The following MUC20 variants were observed in gnomAD, a reference collection of about 807,000 sequenced individuals.
MUC20 encodes the protein mucin-20.
In MUC20, 14 loss-of-function variants were observed where a neutral mutation model predicts 23.8. The ratio of observed to expected loss-of-function variants is 0.59; its 90% CI spans 0.39 to 0.92. MUC20 has a LOEUF of 0.92. Ranked by LOEUF, MUC20 falls within the 40% of genes least tolerant of loss-of-function variation. The pLI is 0.00. For missense variants in MUC20, 375 were observed against 668.8 expected (o/e 0.56, Z 4.85); for synonymous variants, 166 against 279.3 (o/e 0.59, Z 4.04).
chr3:195,729,617 T>C (rs1713147980), intron 2 of MUC20, 31 bp from the exon 3 acceptor site: 1 of 1,552,572 alleles, frequency 6.4e-7, no homozygotes, highest in African/African-American at 1.4e-5. Flanking sequence ...CGCCCAGCCC[T>C]GATTTTCATC....
At chr3:195,728,783 A>G (rs1485444775) in intron 2 of MUC20, among the ~76,000 whole-genome samples, 1 of 152,170 alleles carries the variant, frequency 6.6e-6, no homozygotes, top group Non-Finnish European at 1.5e-5. Context: ...TTTCAAGGGC[A>G]GAGGTCCCTG....
At chr3:195,728,808 G>T (rs1454865140) in intron 2 of MUC20, among the ~76,000 whole-genome samples, 6 of 152,162 alleles carry the variant, frequency 3.9e-5, no homozygotes, top group Admixed American at 3.9e-4. Context: ...TTTCCACAGT[G>T]CATTGTGCCC....
intron 3 of MUC20, among the ~76,000 whole-genome samples, chr3:195,732,252 A>C (rs891790737): frequency 1.3e-5 from 2 of 152,060 alleles, no homozygotes; most frequent in Non-Finnish European, 2.9e-5. Context: ...CTCATGATCC[A>C]CCCACCTCAG....
chr3:195,723,147 C>G (rs1712318519), intron 1 of MUC20, among the ~76,000 whole-genome samples: 1 of 151,512 alleles, frequency 6.6e-6, no homozygotes, highest in African/African-American at 2.4e-5. Flanking sequence ...GGATTTGAAC[C>G]AGCAGATCAT....
chr3:195,721,255 C>CTG (rs1712054633), intron 1 of MUC20, among the ~76,000 whole-genome samples, 172 bp downstream of exon 1: 1 of 102,206 alleles, frequency 9.8e-6, no homozygotes, highest in African/African-American at 3.8e-5. Flanking sequence ...GTGCAAATGA[C>CTG]AGTGTGAGTG....
intron 2 of MUC20, among the ~76,000 whole-genome samples, chr3:195,727,830 C>T (rs1384353909): frequency 2.8e-5 from 4 of 140,866 alleles, no homozygotes; most frequent in African/African-American, 3.2e-5. Context: ...AGTGTGCCAC[C>T]GGCTTTGCAT....
At position 195,730,368 on chromosome 3, in the gene MUC20, C is replaced by T. The variant is rs111311627; in HGVS notation, c.2061+629C>T. ...CTTTCTTTCTTTTTGTTTTTTGAGACGAAGTCTCGCTCTGTCGCCCAGGCT... is the reference window on the plus strand; with the variant it reads ...CTTTCTTTCTTTTTGTTTTTTGAGATGAAGTCTCGCTCTGTCGCCCAGGCT... On this transcript the variant is annotated intron_variant, in intron 3 of 3. Transcript: ENST00000447234. Among the ~76,000 whole-genome samples, 456 of 152,128 alleles carry T rather than the reference C, an allele frequency of 3.0e-3. 2 individuals carry two copies. Among genetic ancestry groups the T allele is most frequent in the African/African-American group, 0.01 (419 of 41,394 alleles).
Position 195,733,285 on chromosome 3 carries a change from C to T in MUC20, c.*67C>T, listed in dbSNP as rs563628173. 2.6e-6 allele frequency: 4 copies of T among 1,552,972 alleles called. No homozygotes were observed. Among genetic ancestry groups the T allele is most frequent in the Non-Finnish European group, 3.5e-6 (4 of 1,147,860 alleles). Reference sequence around the variant, plus strand: ...AGGGTGCTGCCCCTAGCCTGGGCCCCCACCGACAGACTGCAGCTGCGTTAC... The same window carrying T: ...AGGGTGCTGCCCCTAGCCTGGGCCCTCACCGACAGACTGCAGCTGCGTTAC... On this transcript the variant is annotated 3_prime_UTR_variant, in exon 4 of 4. Coordinates refer to ENST00000447234, the MANE Select transcript of MUC20 (RefSeq NM_001282506.2).
At chr3:195,730,018 G>A (rs6795171) in intron 3 of MUC20, 67,359 of 439,152 alleles carry the variant, frequency 0.15, 4,232 homozygotes, top group African/African-American at 0.18. Flanking sequence ...GGCCTCTGAG[G>A]CAAAGGTCAG....
At position 195,726,204 on chromosome 3, in the gene MUC20, C is replaced by G; in HGVS notation, c.1601C>G (p.Ser534Ter). ...TVSRNPLEETSALSVETPSYV... is the reference protein window; with the variant it reads ...TVSRNPLEET ...AGCAGGAATCCCCTTGAAGAAACCT[C>G]AGCCCTCTCTGTTGAGACACCAAGT... Residue 534 changes from serine (S) to a stop codon, truncating the protein, a stop_gained, in exon 2 of 4, where the codon TCA becomes TGA. Coordinates refer to ENST00000447234, the MANE Select transcript of MUC20 (RefSeq NM_001282506.2). LOFTEE classifies it high-confidence loss of function. The G allele has an allele frequency of 6.2e-7, 1 of 1,611,458 alleles. No homozygotes were observed. The highest frequency in any genetic ancestry group is 8.5e-7 in the Non-Finnish European group (1 of 1,177,746).
intron 3 of MUC20, among the ~76,000 whole-genome samples, chr3:195,731,852 G>A (rs2688476): frequency 0.35 from 52,393 of 150,312 alleles, 6,045 homozygotes; most frequent in East Asian, 0.71. Context: ...CTCCCACTGT[G>A]AGGAGTTCCC....
At position 195,732,289 on chromosome 3, in the gene MUC20, G is replaced by A. The variant is rs1397087113; in HGVS notation, c.2062-861G>A. On this transcript the variant is annotated intron_variant, in intron 3 of 3. Coordinates refer to ENST00000447234, the MANE Select transcript of MUC20 (RefSeq NM_001282506.2). ...CTCCCAAAGTGCTGGGATTACAGGC[G>A]TTGAGTCATTGCGTCCGGCTGGGAA... Among the ~76,000 whole-genome samples the A allele has an allele frequency of 4.6e-5, 7 of 152,228 alleles. No homozygotes were observed. The East Asian group carries it at 5.8e-4, about 13-fold the overall frequency.
In MUC20 at chr3:195,733,515, C is replaced by T. The variant is rs1169746602; in HGVS notation, c.*297C>T. The T allele has an allele frequency of 2.2e-6, 3 of 1,351,228 alleles. No homozygotes were observed. Among genetic ancestry groups the T allele is most frequent in the Admixed American group, 3.3e-5 (1 of 30,472 alleles). The allele number at this position is 1,351,228 out of a possible 1,614,324, so 83.7% of individuals were successfully genotyped here. A position where few individuals can be genotyped will look rare whatever the true frequency, so the allele number is the denominator to read the frequency against. On this transcript the variant is annotated 3_prime_UTR_variant, in exon 4 of 4. Transcript: ENST00000447234. ...AGAGACCTGATCACCCATCTGTGTG[C>T]TTCCATCCTGCATTAAAATTCACTC...
rs1713594434 is a variant in MUC20 at position 195,733,307 on chromosome 3, T to C, written c.*89T>C. ...CCCCCACCGACAGACTGCAGCTGCG[T>C]TACTGTGCTGAGAGGTACCCAGAAG... On this transcript the variant is annotated 3_prime_UTR_variant, in exon 4 of 4. Coordinates refer to ENST00000447234, the MANE Select transcript of MUC20 (RefSeq NM_001282506.2). 6.5e-7 allele frequency: 1 copy of C among 1,546,472 alleles called. No individual in the cohort carries two copies.
chr3:195,731,586 C>G (rs1160216150), intron 3 of MUC20, among the ~76,000 whole-genome samples: 1 of 152,266 alleles, frequency 6.6e-6, no homozygotes, highest in Non-Finnish European at 1.5e-5. Flanking sequence ...CACTGTCCCT[C>G]TTGCTGGTCA....
At chr3:195,722,313 A>G (rs2148693432) in intron 1 of MUC20, 1 of 984,928 alleles carries the variant, frequency 1.0e-6, no homozygotes, top group South Asian at 4.7e-5. Context: ...CACAGGCCTG[A>G]GCACTGCACC....
At chr3:195,731,825 A>T (rs547729336) in intron 3 of MUC20, among the ~76,000 whole-genome samples, 1 of 152,390 alleles carries the variant, frequency 6.6e-6, no homozygotes, top group East Asian at 1.9e-4. Context: ...TCTTAGCAGC[A>T]GTGAGGCCAA....
At chr3:195,727,618 A>G (rs112188583) in intron 2 of MUC20, among the ~76,000 whole-genome samples, 8 of 152,382 alleles carry the variant, frequency 5.2e-5, no homozygotes, top group African/African-American at 1.9e-4. Context: ...AATATTAATC[A>G]CAACCACTCA....
rs1176247730 is a variant in MUC20, at chr3:195,733,149, GC to G, written c.2062del (p.Leu688SerfsTer56). 1 of 1,586,250 alleles carries G rather than the reference GC, an allele frequency of 6.3e-7. No individual in the cohort carries two copies. Reference protein sequence around the residue: ...PRVAERLMQQLHRELHAHAPH... With the variant: ...PRVAERLMQQXHRELHAHAPH... ...GGACAGCTGGCTCTTTTGCTCTCCA[GC>G]TCCACCGGGAACTCCACGCCCACGC... On this transcript the variant is annotated frameshift_variant and splice_region_variant, in exon 4 of 4. Coordinates refer to ENST00000447234, the MANE Select transcript of MUC20 (RefSeq NM_001282506.2). LOFTEE classifies it low-confidence loss of function (END_TRUNC).
Sources: gnomAD v4.1 joint callset for allele counts (sites outside exome capture counted in the v4.1 genomes callset) on GRCh38, gnomAD v4.1.1 for gene constraint, MANE v1.5 for transcripts, NCBI Gene and HGNC (gene_info 2026-07-23, HGNC 2026-07-21) for gene names.